The following NELL1 variants were observed in gnomAD, a reference collection of about 807,000 sequenced individuals.
The protein encoded by NELL1 is neural EGFL like 1, also known as protein kinase C-binding protein NELL1.
Under a neutral mutation model 107.4 loss-of-function variants are expected in NELL1, and 76 were observed. That is an observed-to-expected ratio of 0.71 (90% confidence interval 0.59 to 0.86). The LOEUF is 0.86. NELL1 is among the 40% of genes least tolerant of loss of function. The pLI, the probability that NELL1 is intolerant of heterozygous loss-of-function variation, is 0.00. For missense variants in NELL1, 1,024 were observed against 1,005.5 expected (o/e 1.02, Z -0.25); for synonymous variants, 353 against 341.2 (o/e 1.03, Z -0.38).
chr11:21,365,800 T>C (rs987694937), intron 14 of NELL1, among the ~76,000 whole-genome samples: 21 of 150,150 alleles, frequency 1.4e-4, no homozygotes, highest in African/African-American at 5.1e-4. Context: ...TATTTTAAAC[T>C]ATTTTGGGGG....
intron 13 of NELL1, among the ~76,000 whole-genome samples, chr11:21,199,154 C>G (rs1419189816): frequency 6.6e-6 from 1 of 152,148 alleles, no homozygotes; most frequent in South Asian, 2.1e-4. Flanking sequence ...CTTCTTACTA[C>G]CCCTCTTCTT....
intron 16 of NELL1, among the ~76,000 whole-genome samples, chr11:21,556,010 T>C (rs1856695295): frequency 6.6e-6 from 1 of 151,944 alleles, no homozygotes; most frequent in Non-Finnish European, 1.5e-5. Context: ...ATTTTGCAAG[T>C]TACATCAGAC....
intron 2 of NELL1, among the ~76,000 whole-genome samples, chr11:20,715,303 GTT>G (rs71748513): frequency 0.53 from 76,983 of 145,040 alleles, 22,889 homozygotes; most frequent in Middle Eastern, 0.72. Context: ...CTGGGTTTTT[GTT>G]TTTTTTTTTT....
At chr11:20,699,769 TA>T (rs1198178104) in intron 2 of NELL1, among the ~76,000 whole-genome samples, 1 of 152,206 alleles carries the variant, frequency 6.6e-6, no homozygotes, top group African/African-American at 2.4e-5. Flanking sequence ...CTTTTTTATA[TA>T]ATGACTTTTC....
chr11:21,057,057 A>G (rs1170080883), intron 12 of NELL1, among the ~76,000 whole-genome samples: 1 of 152,134 alleles, frequency 6.6e-6, no homozygotes, highest in African/African-American at 2.4e-5. Flanking sequence ...AGGCTTGAAA[A>G]ACAAAAGATA....
chr11:20,731,300 G>T (rs1038677292), intron 2 of NELL1, among the ~76,000 whole-genome samples: 6 of 152,198 alleles, frequency 3.9e-5, no homozygotes, highest in African/African-American at 9.7e-5. Flanking sequence ...TACCTGCTGA[G>T]GTTCTGTTGC....
At position 20,864,718 on chromosome 11, in the gene NELL1, G is replaced by A. The variant is rs781061817; in HGVS notation, c.506+16965G>A. Among the ~76,000 whole-genome samples the A allele has an allele frequency of 4.9e-4, 74 of 152,328 alleles. 2 individuals are homozygous for A. Among genetic ancestry groups the A allele is most frequent in the Admixed American group, 3.6e-3 (55 of 15,304 alleles). Reference sequence around the variant, plus strand: ...CCTTATACATAAAGGGCCATGGCAGGCCCAGCTAAGCCAGAGCCTGATTGC... The same window carrying A: ...CCTTATACATAAAGGGCCATGGCAGACCCAGCTAAGCCAGAGCCTGATTGC... On this transcript the variant is annotated intron_variant, in intron 4 of 19. Transcript: ENST00000357134.
chr11:20,693,935 G>T (rs1201731165), intron 2 of NELL1, among the ~76,000 whole-genome samples: 1 of 152,158 alleles, frequency 6.6e-6, no homozygotes, highest in African/African-American at 2.4e-5. Context: ...ATCAGACGCA[G>T]ATTTGGTCTT....
intron 4 of NELL1, among the ~76,000 whole-genome samples, chr11:20,883,298 C>T (rs35893684): frequency 6.6e-6 from 1 of 152,202 alleles, no homozygotes. Flanking sequence ...TCAACTATTT[C>T]TAAGGCACAC....
At chr11:20,766,117 G>A (rs1435155575) in intron 2 of NELL1, among the ~76,000 whole-genome samples, 2 of 152,170 alleles carry the variant, frequency 1.3e-5, no homozygotes, top group South Asian at 4.1e-4. Flanking sequence ...GCTATTCAAG[G>A]GAGTGAGGAA....
rs115599866 is a variant in NELL1, at chr11:20,850,712, G to A, written c.506+2959G>A. On this transcript the variant is annotated intron_variant, in intron 4 of 19. Coordinates refer to ENST00000357134, the MANE Select transcript of NELL1 (RefSeq NM_006157.5). ...CCTTTCTAATATTTCCCTGCCACAT[G>A]TCTTATATTGCTAATCCTGGGAGCT... Among the ~76,000 whole-genome samples the A allele has an allele frequency of 3.5e-3, 527 of 152,206 alleles. 5 individuals are homozygous for A. The highest frequency in any genetic ancestry group is 0.012 in the African/African-American group (481 of 41,536).
chr11:21,526,415 C>G (rs1346096930), intron 15 of NELL1, among the ~76,000 whole-genome samples: 1 of 152,198 alleles, frequency 6.6e-6, no homozygotes, highest in Non-Finnish European at 1.5e-5. Context: ...GTGTTGCAAG[C>G]TGTCAGTGGA....
intron 9 of NELL1, among the ~76,000 whole-genome samples, chr11:20,930,144 CG>C (rs879853556): frequency 3.9e-5 from 6 of 151,900 alleles, no homozygotes; most frequent in African/African-American, 1.2e-4. Flanking sequence ...AACTTTTTGA[CG>C]TTTTTTTAAA....
chr11:21,172,920 GTC>G lies in NELL1; in HGVS notation c.1427-56410_1427-56409del, dbSNP rs1372642498. Among the ~76,000 whole-genome samples, 3 of 118,388 alleles carry G rather than the reference GTC, an allele frequency of 2.5e-5. No individual in the cohort carries two copies. The East Asian group carries it at 6.3e-4, about 25-fold the overall frequency. 77.7% of individuals were successfully genotyped at this position (118,388 alleles called of 152,430 possible). A position where few individuals can be genotyped will look rare whatever the true frequency, so the allele number is the denominator to read the frequency against. On this transcript the variant is annotated intron_variant, in intron 13 of 19. Transcript: ENST00000357134. ...TTCACTCTTTGGCAGGTGTGTGTCT[GTC>G]TGTGTGTGTGTGTGTGTGTATGTGT...
intron 2 of NELL1, among the ~76,000 whole-genome samples, chr11:20,756,516 A>ATTTTT (rs753445309): frequency 4.1e-5 from 4 of 97,322 alleles, no homozygotes; most frequent in South Asian, 3.3e-4. Context: ...ATTTTTTGTA[A>ATTTTT]TTTTTTTTTT....
At chr11:21,345,366 T>C (rs1199935575) in intron 14 of NELL1, among the ~76,000 whole-genome samples, 3 of 152,216 alleles carry the variant, frequency 2.0e-5, no homozygotes, top group African/African-American at 7.2e-5. Context: ...CCCCACCTTC[T>C]GACAACATTA....
intron 12 of NELL1, among the ~76,000 whole-genome samples, chr11:21,024,853 C>T (rs1852779024): frequency 6.6e-6 from 1 of 152,066 alleles, no homozygotes; most frequent in Admixed American, 6.6e-5. Context: ...TTACCTAAAA[C>T]TTTTCTTCCT....
intron 3 of NELL1, among the ~76,000 whole-genome samples, chr11:20,825,075 G>C (rs2134029307): frequency 6.6e-6 from 1 of 151,446 alleles, no homozygotes; most frequent in Admixed American, 6.6e-5. Context: ...CCAAGTCTTG[G>C]CAGACTTTAT....
At chr11:21,024,023 C>T (rs1852759027) in intron 12 of NELL1, among the ~76,000 whole-genome samples, 1 of 151,978 alleles carries the variant, frequency 6.6e-6, no homozygotes, top group South Asian at 2.1e-4. Flanking sequence ...TGTAAGAAAG[C>T]TTCTTACAAA....
Sources: allele counts gnomAD v4.1 joint callset (sites outside exome capture counted in the v4.1 genomes callset), GRCh38; gene constraint gnomAD v4.1.1; transcripts MANE v1.5; gene names NCBI Gene and HGNC (gene_info 2026-07-23, HGNC 2026-07-21).